BTG4: variants seen among roughly 807,000 people sequenced by gnomAD.
BTG4 encodes BTG anti-proliferation factor 4.
In BTG4, 10 loss-of-function variants were observed where a neutral mutation model predicts 19.3. The observed-to-expected ratio is 0.52, with a 90% CI of 0.32 to 0.88. The LOEUF (loss-of-function observed/expected upper bound fraction) is 0.88, where lower values mean the gene tolerates loss of function less well. BTG4 is among the 40% of genes least tolerant of loss of function. BTG4 has a pLI of 0.04. For synonymous variants in BTG4, 91 were observed against 95.7 expected (o/e 0.95, Z 0.29); for missense variants, 238 against 281.9 (o/e 0.84, Z 1.11).
chr11:111,488,530 T>C (rs1012399413), intron 5 of BTG4, among the ~76,000 whole-genome samples: 9 of 152,146 alleles, frequency 5.9e-5, no homozygotes, highest in African/African-American at 1.4e-4. Flanking sequence ...TTCTAGAACA[T>C]TGGTCTGGGC....
downstream of BTG4, among the ~76,000 whole-genome samples, chr11:111,491,183 A>G (rs1019167601): frequency 2.0e-5 from 3 of 152,180 alleles, no homozygotes; most frequent in Non-Finnish European, 2.9e-5. Context: ...TTAAAAGAAC[A>G]GGGGGAAGAT....
At chr11:111,411,711 C>G in the BTG4 span, among the ~76,000 whole-genome samples, 1 of 152,192 alleles carries the variant, frequency 6.6e-6, no homozygotes, top group African/African-American at 2.4e-5. Flanking sequence ...GCCCATGGAT[C>G]ACACTTTAAG....
At chr11:111,429,901 C>T in the BTG4 span, among the ~76,000 whole-genome samples, 1 of 151,998 alleles carries the variant, frequency 6.6e-6, no homozygotes, top group Non-Finnish European at 1.5e-5. Flanking sequence ...CCTTAACACT[C>T]CAGAGGCTTT....
rs559268951 is a variant in BTG4 at position 111,504,095 on chromosome 11, T to C, written c.-26-5293A>G. Among the ~76,000 whole-genome samples, 5 of 152,218 alleles carry C rather than the reference T, an allele frequency of 3.3e-5. No homozygotes were observed. In the South Asian group the frequency reaches 8.3e-4, roughly 25 times the overall value. Reference sequence around the variant, plus strand: ...CTCCCTAAACTACAAGTTATATCCGTAGTCTCACCCCTCCATTCACAAATA... The same window carrying C: ...CTCCCTAAACTACAAGTTATATCCGCAGTCTCACCCCTCCATTCACAAATA... On this transcript the variant is annotated intron_variant, in intron 1 of 4. Coordinates refer to ENST00000692032, the MANE Select transcript of BTG4 (RefSeq NM_001367975.1).
the BTG4 span, among the ~76,000 whole-genome samples, chr11:111,388,985 G>A: frequency 3.9e-5 from 6 of 152,092 alleles, no homozygotes; most frequent in East Asian, 9.6e-4. Flanking sequence ...AGTTTCACCA[G>A]GTGTATTTCA....
chr11:111,487,291 T>C (rs556363870), intron 5 of BTG4, among the ~76,000 whole-genome samples: 3 of 152,346 alleles, frequency 2.0e-5, no homozygotes, highest in African/African-American at 7.2e-5. Context: ...TACACGTGAA[T>C]GTATCTTTAT....
At chr11:111,395,965 G>A in the BTG4 span, among the ~76,000 whole-genome samples, 3 of 152,194 alleles carry the variant, frequency 2.0e-5, no homozygotes, top group East Asian at 1.9e-4. Context: ...AAGCCGCCCC[G>A]GAGGCATGCC....
At chr11:111,408,740 A>G in the BTG4 span, among the ~76,000 whole-genome samples, 1 of 152,248 alleles carries the variant, frequency 6.6e-6, no homozygotes, top group Admixed American at 6.5e-5. Context: ...GGGCAACCCA[A>G]GTGAGCATCG....
intron 5 of BTG4, among the ~76,000 whole-genome samples, chr11:111,483,901 C>T (rs1334369825): frequency 6.6e-6 from 1 of 152,036 alleles, no homozygotes; most frequent in Non-Finnish European, 1.5e-5. Context: ...AAAGATTCAA[C>T]CTAAATAAGA....
intron 5 of BTG4, chr11:111,469,309 G>C (rs1386489348): frequency 6.6e-6 from 1 of 152,258 alleles, no homozygotes; most frequent in Non-Finnish European, 1.5e-5. Flanking sequence ...ACCCCACCAG[G>C]ACTCCAGCCC....
the BTG4 span, chr11:111,459,909 T>C: frequency 6.6e-6 from 1 of 152,418 alleles, no homozygotes; most frequent in East Asian, 1.9e-4. Context: ...CATTCTGGTC[T>C]TCTGCTAGGG....
chr11:111,418,211 G>A, the BTG4 span: 5 of 152,316 alleles, frequency 3.3e-5, no homozygotes, highest in East Asian at 9.6e-4. Flanking sequence ...GACTGCTGTG[G>A]GACCTCTGAG....
At chr11:111,391,922 C>T in the BTG4 span, among the ~76,000 whole-genome samples, 1 of 152,124 alleles carries the variant, frequency 6.6e-6, no homozygotes, top group South Asian at 2.1e-4. Context: ...CCCAAGCCAC[C>T]TGGCTCTCAT....
At chr11:111,510,680 C>T (rs1313895049) in intron 1 of BTG4, among the ~76,000 whole-genome samples, 2 of 150,494 alleles carry the variant, frequency 1.3e-5, no homozygotes, top group South Asian at 2.1e-4. Flanking sequence ...TATTTTTTGT[C>T]GTTATTTAAA....
chr11:111,435,133 G>T, the BTG4 span: 1 of 152,248 alleles, frequency 6.6e-6, no homozygotes, highest in Admixed American at 6.5e-5. Context: ...TCCATCTCAA[G>T]TTCTCAAAGC....
chr11:111,502,917 G>A (rs969161915), intron 1 of BTG4, among the ~76,000 whole-genome samples: 2 of 152,106 alleles, frequency 1.3e-5, no homozygotes, highest in Non-Finnish European at 2.9e-5. Flanking sequence ...ATCATGCAAG[G>A]TTTCCTTCCG....
chr11:111,510,963 G>T (rs1016220177), intron 1 of BTG4, among the ~76,000 whole-genome samples: 6 of 152,122 alleles, frequency 3.9e-5, no homozygotes, highest in Admixed American at 3.9e-4. Context: ...CTAACAATTT[G>T]GTAGAAGAGA....
intron 1 of BTG4, among the ~76,000 whole-genome samples, chr11:111,499,867 C>T (rs575651055): frequency 5.7e-4 from 86 of 152,196 alleles, no homozygotes; most frequent in African/African-American, 2.0e-3. Context: ...CTTGGCCAGG[C>T]GCGGTGGCTC....
chr11:111,463,283 T>G (rs989645858), downstream of BTG4: 1 of 152,676 alleles, frequency 6.5e-6, no homozygotes, highest in Admixed American at 6.5e-5. Context: ...GGACCAAGCA[T>G]GGAACTCTGT....
Sources: gnomAD v4.1 joint callset for allele counts (sites outside exome capture counted in the v4.1 genomes callset) on GRCh38, gnomAD v4.1.1 for gene constraint, MANE v1.5 for transcripts, NCBI Gene and HGNC (gene_info 2026-07-23, HGNC 2026-07-21) for gene names.